The following MYOM3 variants were observed in gnomAD, a reference collection of about 807,000 sequenced individuals.
The protein encoded by MYOM3 is myomesin-3.
MYOM3 carries 155 observed loss-of-function variants against 191.7 expected under a neutral mutation model. That is an observed-to-expected ratio of 0.81 (90% confidence interval 0.71 to 0.92). The LOEUF is 0.92. Ranked by LOEUF, MYOM3 falls within the 40% of genes least tolerant of loss-of-function variation. The pLI is 0.00. For missense variants in MYOM3, 1,889 were observed against 1,890.6 expected (o/e 1.00, Z 0.02); for synonymous variants, 757 against 762.9 (o/e 0.99, Z 0.13).
At chr1:24,078,244 A>T (rs1385770308) in intron 20 of MYOM3, among the ~76,000 whole-genome samples, 3 of 151,276 alleles carry the variant, frequency 2.0e-5, no homozygotes, top group Non-Finnish European at 2.9e-5. Context: ...CCTTCTGTGT[A>T]GCTGAGATTA....
chr1:24,063,226 C>A lies in MYOM3; in HGVS notation c.3670G>T (p.Ala1224Ser). ...GTCCCCTGGATTTTCAGTGGAGTTG[C>A]AGAGAGGGCTGGGGAGACAGAGGAG... ...TELGRIGALS[A>S]TPLKIQGTEE... The change falls in exon 32 of 37, where the codon GCA (alanine) becomes TCA (serine). Residue 1224 changes from alanine (A) to serine (S), a missense_variant. Transcript: ENST00000374434. This position sits in a 1 kb window ranked among gnomAD's most constrained non-coding sequence, Gnocchi z 4.5. 1 of 1,613,662 alleles carries A rather than the reference C, an allele frequency of 6.2e-7. No homozygotes were observed. Among genetic ancestry groups the A allele is most frequent in the East Asian group, 2.2e-5 (1 of 44,870 alleles).
At chr1:24,091,587 C>A (rs533277022) in intron 11 of MYOM3, among the ~76,000 whole-genome samples, 33 of 152,328 alleles carry the variant, frequency 2.2e-4, no homozygotes, top group African/African-American at 7.2e-4. Context: ...GCAAAGTCAT[C>A]TCCCCACATA....
intron 28 of MYOM3, 123 bp downstream of exon 28, chr1:24,066,898 C>A (rs1350678193): frequency 1.6e-5 from 14 of 871,964 alleles, no homozygotes; most frequent in Non-Finnish European, 2.2e-5. Context: ...TCTGTGTGTG[C>A]GATCAGCCAA....
rs1643306144 is a variant in MYOM3, at chr1:24,056,731, T to G, written c.*633A>C. 6.6e-6 allele frequency: 1 copy of G among 152,560 alleles called. No individual in the cohort carries two copies. The highest frequency in any genetic ancestry group is 1.5e-5 in the Non-Finnish European group (1 of 68,344). The allele number at this position is 152,560 out of a possible 1,614,324, so 9.5% of individuals were successfully genotyped here. On this transcript the variant is annotated 3_prime_UTR_variant, in exon 37 of 37. Coordinates refer to ENST00000374434, the MANE Select transcript of MYOM3 (RefSeq NM_152372.4). ...TGGGACGACCCTCTGTCTCCCTCCT[T>G]GGACCACTGGCGGCACTTTCCTTGG... is the stretch of plus-strand genomic sequence containing the variant.
Position 24,080,204 on chromosome 1 carries a change from G to A in MYOM3, c.2408-10C>T, listed in dbSNP as rs2148550400. 2 of 1,602,282 alleles carry A rather than the reference G, an allele frequency of 1.2e-6. No individual in the cohort carries two copies. Among genetic ancestry groups the A allele is most frequent in the Non-Finnish European group, 1.7e-6 (2 of 1,173,682 alleles). On this transcript the variant is annotated splice_polypyrimidine_tract_variant and intron_variant, in intron 19 of 36. Transcript: ENST00000374434. ...ACATCGTACGGGGGGCCTGTGACAA[G>A]TGAGAGATGGGAAGAGATGTGTGAG...
intron 36 of MYOM3, among the ~76,000 whole-genome samples, chr1:24,058,103 G>C (rs575057347): frequency 2.0e-5 from 3 of 152,256 alleles, no homozygotes; most frequent in South Asian, 4.1e-4. Flanking sequence ...CACTGTGCCC[G>C]GGCATTCTCA....
intron 5 of MYOM3, among the ~76,000 whole-genome samples, chr1:24,103,860 T>A (rs1557617656): frequency 6.6e-6 from 1 of 151,972 alleles, no homozygotes; most frequent in Non-Finnish European, 1.5e-5. Flanking sequence ...GACTCTTTGT[T>A]CATGGCTCAG....
At chr1:24,102,115 G>C (rs932609827) in intron 5 of MYOM3, among the ~76,000 whole-genome samples, 3 of 152,124 alleles carry the variant, frequency 2.0e-5, no homozygotes, top group African/African-American at 7.2e-5. Context: ...CCAGAGAGAG[G>C]GCACCCCAGC....
At chr1:24,085,109 A>AATGG (rs56001006) in intron 15 of MYOM3, among the ~76,000 whole-genome samples, 55,769 of 147,868 alleles carry the variant, frequency 0.38, 10,762 homozygotes, top group East Asian at 0.43. Flanking sequence ...TGGTTGGATG[A>AATGG]ATGGATGGAT....
intron 27 of MYOM3, among the ~76,000 whole-genome samples, chr1:24,067,528 T>A (rs1310908606): frequency 1.3e-5 from 2 of 151,196 alleles, no homozygotes; most frequent in African/African-American, 2.4e-5. Context: ...AGTGGCGCAA[T>A]CTCGGCTCAC....
intron 16 of MYOM3, chr1:24,083,813 C>T (rs1483903483): frequency 1.3e-5 from 2 of 152,646 alleles, no homozygotes; most frequent in Non-Finnish European, 2.9e-5. Flanking sequence ...GTTCAAGTCC[C>T]AGTCCTGCCA....
At position 24,061,197 on chromosome 1, in the gene MYOM3, A is replaced by G. The variant is rs1643365508; in HGVS notation, c.3971+76T>C. 4 of 1,603,868 alleles carry G rather than the reference A, an allele frequency of 2.5e-6. No individual in the cohort carries two copies. The South Asian group carries it at 4.4e-5, about 18-fold the overall frequency. Reference sequence around the variant, plus strand: ...GTGGAGCTGGCTGGGGCTCCCAGGAAGGAGTCCTGAGCCTAGTTTATGCCA... The same window carrying G: ...GTGGAGCTGGCTGGGGCTCCCAGGAGGGAGTCCTGAGCCTAGTTTATGCCA... On this transcript the variant is annotated intron_variant, in intron 34 of 36. Transcript: ENST00000374434.
rs202157618 is a variant in MYOM3, at chr1:24,057,541, G to T, written c.4137C>A (p.Asp1379Glu). The T allele has an allele frequency of 2.4e-4, 395 of 1,614,140 alleles. No homozygotes were observed. The East Asian group carries it at 2.7e-3, about 11-fold the overall frequency. ...LKNDQPVTFL[D>E]RYRMEVRGTE... is the part of the protein sequence containing the mutation. ...TCCCCCTCACTTCCATGCGGTATCG[G>T]TCAAGGAAGGTGACAGGCTGGTCAT... Residue 1379 changes from aspartate to glutamate, a missense_variant, in exon 37 of 37, where the codon GAC (aspartate) becomes GAA (glutamate). Coordinates refer to ENST00000374434, the MANE Select transcript of MYOM3 (RefSeq NM_152372.4).
rs541221327 is a variant in MYOM3, at chr1:24,077,178, A to T, written c.2587-905T>A. 5.9e-5 allele frequency among the ~76,000 whole-genome samples: 9 copies of T among 152,246 alleles called. No homozygotes were observed. The South Asian group carries it at 1.2e-3, about 21-fold the overall frequency. On this transcript the variant is annotated intron_variant, in intron 20 of 36. Coordinates refer to ENST00000374434, the MANE Select transcript of MYOM3 (RefSeq NM_152372.4). ...CCTCCAGGTCCCGTCCACGGTCGTG[A>T]TTGAGGCTTTGTTTCTCCTCACCTG...
rs1643400691 is a variant in MYOM3 at position 24,063,717 on chromosome 1, G to A, written c.3623-187C>T. ...TTCAGGGCACTCAGCAATGGGGTGG[G>A]CAGAAGGGCACTATGGATGGAGGAC... On this transcript the variant is annotated intron_variant, in intron 30 of 36. Transcript: ENST00000374434. The surrounding 1 kb of genome is among the most constrained non-coding windows in gnomAD (Gnocchi z 4.5). 6.6e-6 allele frequency among the ~76,000 whole-genome samples: 1 copy of A among 152,026 alleles called. No homozygotes were observed. Among genetic ancestry groups the A allele is most frequent in the African/African-American group, 2.4e-5 (1 of 41,354 alleles).
rs1253525480 is a variant in MYOM3 at position 24,058,939 on chromosome 1, A to G, written c.4035T>C (p.Thr1345=). ...GGGTCAGTACCTTATCTTCCATGAT[A>G]GTGGCCACATCCGGCAGACCTCTCA... The part of the protein sequence containing the change: ...KVVRGLPDVA[T]IMEDKTLCLT... Residue 1345 remains threonine (T), a synonymous_variant, in exon 36 of 37, where the codon ACT becomes ACC. Coordinates refer to ENST00000374434, the MANE Select transcript of MYOM3 (RefSeq NM_152372.4). The G allele has an allele frequency of 6.2e-7, 1 of 1,609,422 alleles. No homozygotes were observed.
In MYOM3 at chr1:24,099,713, T is replaced by G; in HGVS notation, c.623A>C (p.Asn208Thr). 1 of 1,613,952 alleles carries G rather than the reference T, an allele frequency of 6.2e-7. No individual in the cohort carries two copies. The highest frequency in any genetic ancestry group is 2.2e-5 in the East Asian group (1 of 44,864). ...CTCCAGGGACAGCAGCCCGTAGTTGTTGGTGATTCGGTATTTTCCGGCACG... is the reference window on the plus strand; with the variant it reads ...CTCCAGGGACAGCAGCCCGTAGTTGGTGGTGATTCGGTATTTTCCGGCACG... ...LFRAGKYRITNNYGLLSLEIR... is the reference protein window; with the variant it reads ...LFRAGKYRITTNYGLLSLEIR... The change falls in exon 6 of 37, where the codon AAC (asparagine) becomes ACC (threonine). Residue 208 changes from asparagine (N) to threonine (T), a missense_variant. Physicochemically the swap from Asn to Thr is moderately conservative, Grantham distance 65 (BLOSUM62 0). Coordinates refer to ENST00000374434, the MANE Select transcript of MYOM3 (RefSeq NM_152372.4).
In MYOM3 at chr1:24,107,119, T is replaced by TG; in HGVS notation, c.355dup (p.His119ProfsTer73). 1 of 1,612,360 alleles carries TG rather than the reference T, an allele frequency of 6.2e-7. No individual in the cohort carries two copies. Among genetic ancestry groups the TG allele is most frequent in the East Asian group, 2.2e-5 (1 of 44,794 alleles). On this transcript the variant is annotated frameshift_variant, in exon 4 of 37. Coordinates refer to ENST00000374434, the MANE Select transcript of MYOM3 (RefSeq NM_152372.4). LOFTEE classifies it high-confidence loss of function. ...GTCCCGCCTCTGGCGCAGCAGCCGG[T>TG]GGGTCTGCAGGAAGGCGATCTCAGT...
At position 24,099,822 on chromosome 1, in the gene MYOM3, G is replaced by C. The variant is rs1643899893; in HGVS notation, c.561-47C>G. On this transcript the variant is annotated intron_variant, in intron 5 of 36. Coordinates refer to ENST00000374434, the MANE Select transcript of MYOM3 (RefSeq NM_152372.4). ...TGGCAGGCAGGGTGGTTCTAAGCGG[G>C]AGGGGTCTGGAGCCTCTCGGATGGG... The C allele has an allele frequency of 2.9e-6, 4 of 1,370,492 alleles. No individual in the cohort carries two copies. In the Admixed American group the frequency reaches 6.7e-5, roughly 23 times the overall value. The allele number at this position is 1,370,492 out of a possible 1,614,324, so 84.9% of individuals were successfully genotyped here.
Sources: gnomAD v4.1 joint callset for allele counts (sites outside exome capture counted in the v4.1 genomes callset) on GRCh38, gnomAD v4.1.1 for gene constraint, Gnocchi (gnomAD v3.1) non-coding constraint, MANE v1.5 for transcripts, NCBI Gene and HGNC (gene_info 2026-07-23, HGNC 2026-07-21) for gene names.